Variants in TACR3 observed in about 807,000 individuals in gnomAD.
The protein encoded by TACR3 is tachykinin receptor 3, also known as neuromedin-K receptor.
In TACR3, 34 loss-of-function variants were observed where a neutral mutation model predicts 35.0. The observed-to-expected ratio is 0.97, with a 90% confidence interval of 0.74 to 1.30. The LOEUF is 1.30. TACR3 is among the 50% of genes most tolerant of loss of function. The pLI is 0.00. For missense variants in TACR3, 558 were observed against 591.7 expected (o/e 0.94, Z 0.59); for synonymous variants, 233 against 221.1 (o/e 1.05, Z -0.48).
chr4:103,623,242 A>AAAC (rs1724822538), intron 3 of TACR3, among the ~76,000 whole-genome samples: 1 of 152,164 alleles, frequency 6.6e-6, no homozygotes. Flanking sequence ...ATAAAACTAT[A>AAAC]AACTTTTTTC....
intron 1 of TACR3, among the ~76,000 whole-genome samples, chr4:103,711,084 T>C (rs1451081840): frequency 6.6e-6 from 1 of 152,126 alleles, no homozygotes; most frequent in Admixed American, 6.5e-5. Flanking sequence ...CTGGTACCAT[T>C]CCTTATGAAA....
At chr4:103,641,685 T>C (rs76643670) in intron 3 of TACR3, among the ~76,000 whole-genome samples, 1 of 151,992 alleles carries the variant, frequency 6.6e-6, no homozygotes, top group African/African-American at 2.4e-5. Flanking sequence ...TCCCAGTTTA[T>C]TGCAACATTA....
intron 1 of TACR3, among the ~76,000 whole-genome samples, chr4:103,678,934 T>C (rs1453394375): frequency 3.3e-5 from 5 of 152,010 alleles, no homozygotes; most frequent in Admixed American, 2.0e-4. Context: ...TTATTAGTAA[T>C]ATAATCTGAC....
intron 1 of TACR3, among the ~76,000 whole-genome samples, chr4:103,662,451 C>T (rs1371045167): frequency 6.6e-6 from 1 of 152,080 alleles, no homozygotes; most frequent in African/African-American, 2.4e-5. Context: ...AATTCCTGAC[C>T]TCAGGTGATC....
Position 103,597,554 on chromosome 4 carries a change from A to G in TACR3, c.889-5871T>C, listed in dbSNP as rs564002275. ...TGTGCCATGTTGGTCTGCTGCACCC[A>G]TTAACTCGTCATTTACATTAGGTAC... is the stretch of plus-strand genomic sequence containing the variant. On this transcript the variant is annotated intron_variant, in intron 3 of 4. Transcript: ENST00000304883. 2.7e-3 allele frequency among the ~76,000 whole-genome samples: 412 copies of G among 152,184 alleles called. 4 individuals are homozygous for G. Among genetic ancestry groups the G allele is most frequent in the Middle Eastern group, 0.017 (5 of 294 alleles).
At chr4:103,599,604 C>T (rs1023981355) in intron 3 of TACR3, among the ~76,000 whole-genome samples, 1 of 152,110 alleles carries the variant, frequency 6.6e-6, no homozygotes, top group East Asian at 1.9e-4. Flanking sequence ...TCATAGATAG[C>T]TCTTATTATT....
At chr4:103,678,372 G>A (rs1451533792) in intron 1 of TACR3, among the ~76,000 whole-genome samples, 1 of 152,114 alleles carries the variant, frequency 6.6e-6, no homozygotes, top group Non-Finnish European at 1.5e-5. Flanking sequence ...TATGTAAGTT[G>A]TGAAGATGGA....
chr4:103,593,809 A>C (rs557386712), intron 3 of TACR3, among the ~76,000 whole-genome samples: 29 of 151,866 alleles, frequency 1.9e-4, no homozygotes, highest in Non-Finnish European at 4.1e-4. Context: ...CCCTCCCAGA[A>C]CCTCTTAGCT....
At chr4:103,680,330 T>C (rs2110208458) in intron 1 of TACR3, among the ~76,000 whole-genome samples, 1 of 151,466 alleles carries the variant, frequency 6.6e-6, no homozygotes, top group South Asian at 2.1e-4. Context: ...TCTATTGAGA[T>C]AAGGAGGAAT....
At position 103,708,569 on chromosome 4, in the gene TACR3, A is replaced by C. The variant is rs1268173106; in HGVS notation, c.548+10559T>G. On this transcript the variant is annotated intron_variant, in intron 1 of 4. Transcript: ENST00000304883. ...CAAAGATGGGGAAAAAACAGAGCAG[A>C]AAAGCTGAAAATTCCAAAAATCGGA... 9.8e-5 allele frequency among the ~76,000 whole-genome samples: 15 copies of C among 152,346 alleles called. No homozygotes were observed. The East Asian group carries it at 2.9e-3, about 29-fold the overall frequency.
chr4:103,719,032 C>A (rs545485373), intron 1 of TACR3, 96 bp downstream of exon 1: 3 of 1,522,496 alleles, frequency 2.0e-6, no homozygotes, highest in African/African-American at 2.7e-5. Flanking sequence ...CTTTTATAGA[C>A]CCCGTTACGT....
intron 1 of TACR3, among the ~76,000 whole-genome samples, chr4:103,714,618 G>A (rs373646916): frequency 1.2e-4 from 19 of 152,076 alleles, no homozygotes; most frequent in African/African-American, 3.9e-4. Context: ...CATCATTTGC[G>A]GTAACTAGTG....
intron 3 of TACR3, among the ~76,000 whole-genome samples, chr4:103,649,788 G>C (rs757116893): frequency 7.2e-5 from 11 of 152,058 alleles, no homozygotes; most frequent in South Asian, 2.1e-4. Context: ...TTGCAGTTTG[G>C]AATTCTCCGT....
intron 1 of TACR3, among the ~76,000 whole-genome samples, chr4:103,667,629 T>C (rs1209901494): frequency 1.3e-5 from 2 of 152,150 alleles, no homozygotes; most frequent in Non-Finnish European, 2.9e-5. Flanking sequence ...TATGTATTTA[T>C]AATAATGTAA....
chr4:103,597,061 CAT>C (rs1412635556), intron 3 of TACR3, among the ~76,000 whole-genome samples: 3 of 152,026 alleles, frequency 2.0e-5, no homozygotes, highest in Non-Finnish European at 2.9e-5. Flanking sequence ...GCAATAAACA[CAT>C]GTGTGCATGC....
At chr4:103,603,425 C>T (rs998688531) in intron 3 of TACR3, among the ~76,000 whole-genome samples, 1 of 152,226 alleles carries the variant, frequency 6.6e-6, no homozygotes. Flanking sequence ...TCTGGCACTC[C>T]CCAGTGAGAT....
chr4:103,596,849 C>T (rs915255552), intron 3 of TACR3, among the ~76,000 whole-genome samples: 26 of 151,622 alleles, frequency 1.7e-4, no homozygotes, highest in Admixed American at 1.6e-3. Flanking sequence ...TGAGAACATG[C>T]AGTTTGGTTT....
Position 103,650,729 on chromosome 4 carries a change from ATAT to A in TACR3, c.888+5462_888+5464del, listed in dbSNP as rs1472692426. On this transcript the variant is annotated intron_variant, in intron 3 of 4. Transcript: ENST00000304883. ...TATATAAATATATATAAATAAATAT[ATAT>A]TATATCATATATAATATATATATTA... Among the ~76,000 whole-genome samples, 4 of 55,238 alleles carry A rather than the reference ATAT, an allele frequency of 7.2e-5. 1 individual carries two copies. The highest frequency in any genetic ancestry group is 4.2e-4 in the South Asian group (1 of 2,392). 36.2% of individuals were successfully genotyped at this position (55,238 alleles called of 152,430 possible).
At chr4:103,625,368 A>G (rs890991969) in intron 3 of TACR3, among the ~76,000 whole-genome samples, 1 of 152,206 alleles carries the variant, frequency 6.6e-6, no homozygotes, top group Non-Finnish European at 1.5e-5. Context: ...GATTATGTAC[A>G]AATGAAAAGG....
Sources: allele counts gnomAD v4.1 joint callset (sites outside exome capture counted in the v4.1 genomes callset), GRCh38; gene constraint gnomAD v4.1.1; transcripts MANE v1.5; gene names NCBI Gene and HGNC (gene_info 2026-07-23, HGNC 2026-07-21).